PLCG2: variants seen among roughly 807,000 people sequenced by gnomAD.
PLCG2 encodes the protein 1-phosphatidylinositol 4,5-bisphosphate phosphodiesterase gamma-2.
PLCG2 carries 69 observed loss-of-function variants against 175.6 expected under a neutral mutation model. That is an observed-to-expected ratio of 0.39 (90% CI 0.32 to 0.48). The LOEUF is 0.48. Ranked by LOEUF, PLCG2 falls within the 20% of genes least tolerant of loss-of-function variation. PLCG2 has a pLI of 0.91. For synonymous variants in PLCG2, 827 were observed against 624.0 expected (o/e 1.33, Z -4.85); for missense variants, 1,798 against 1,650.9 (o/e 1.09, Z -1.54).
intron 13 of PLCG2, among the ~76,000 whole-genome samples, chr16:81,898,836 G>A (rs1458327840): frequency 6.6e-6 from 1 of 152,166 alleles, no homozygotes; most frequent in African/African-American, 2.4e-5. Context: ...TGTGGGGGAT[G>A]TCTGCGCCTT....
intron 2 of PLCG2, among the ~76,000 whole-genome samples, chr16:81,834,195 A>G (rs560863617): frequency 6.6e-6 from 1 of 152,214 alleles, no homozygotes; most frequent in African/African-American, 2.4e-5. Flanking sequence ...TCTTCCCAAG[A>G]TTGGTGGGAG....
chr16:81,902,428 G>A (rs370539081), intron 14 of PLCG2, among the ~76,000 whole-genome samples: 18 of 152,200 alleles, frequency 1.2e-4, no homozygotes, highest in African/African-American at 4.1e-4. Context: ...CCGACTTCTA[G>A]TTGTGTCCTC....
At position 81,891,451 on chromosome 16, in the gene PLCG2, C is replaced by T. The variant is rs749511592; in HGVS notation, c.868-21C>T. Reference sequence around the variant, plus strand: ...CTGCCCGTCAACGTGATGATTCGGTCTTCGTGTTTGACTCTTTTAGTTCCT... The same window carrying T: ...CTGCCCGTCAACGTGATGATTCGGTTTTCGTGTTTGACTCTTTTAGTTCCT... On this transcript the variant is annotated intron_variant, in intron 10 of 32. Coordinates refer to ENST00000564138, the MANE Select transcript of PLCG2 (RefSeq NM_002661.5). The T allele has an allele frequency of 7.7e-6, 10 of 1,295,690 alleles. No individual in the cohort carries two copies. The South Asian group carries it at 1.1e-4, about 14-fold the overall frequency. The allele number at this position is 1,295,690 out of a possible 1,614,324, so 80.3% of individuals were successfully genotyped here.
chr16:81,850,283 ATAAAT>A (rs1906337843), intron 2 of PLCG2, among the ~76,000 whole-genome samples: 1 of 152,292 alleles, frequency 6.6e-6, no homozygotes, highest in Admixed American at 6.5e-5. Flanking sequence ...TTTTTTTGAG[ATAAAT>A]TAAGTATTTT....
intron 2 of PLCG2, among the ~76,000 whole-genome samples, chr16:81,815,318 C>T (rs1597334121): frequency 6.6e-6 from 1 of 152,152 alleles, no homozygotes; most frequent in East Asian, 1.9e-4. Context: ...GGGGTCTCAG[C>T]CTCAGCAGGT....
intron 25 of PLCG2, 103 bp downstream of exon 25, chr16:81,931,757 A>C: frequency 5.3e-6 from 5 of 938,244 alleles, no homozygotes; most frequent in South Asian, 1.6e-5. Context: ...GAGCAGGCCC[A>C]GGTCCTACTC....
At chr16:81,836,239 A>T (rs1346670730) in intron 2 of PLCG2, among the ~76,000 whole-genome samples, 1 of 152,174 alleles carries the variant, frequency 6.6e-6, no homozygotes, top group Non-Finnish European at 1.5e-5. Flanking sequence ...ACTGAGGCCC[A>T]GGGAGGTAAA....
Position 81,907,743 on chromosome 16 carries a change from T to A in PLCG2, c.1526T>A (p.Ile509Asn). 1.2e-6 allele frequency: 2 copies of A among 1,613,896 alleles called. No individual in the cohort carries two copies. The highest frequency in any genetic ancestry group is 8.5e-7 in the Non-Finnish European group (1 of 1,179,848). The stretch of plus-strand genomic sequence containing the variant: ...GCCAAGCTGTCCTTCAGTGATGACA[T>A]TGAACAGACTATGGAGGAGGAAGTG... Reference protein sequence around the residue: ...ADAKLSFSDDIEQTMEEEVPQ... With the variant: ...ADAKLSFSDDNEQTMEEEVPQ... Residue 509 changes from isoleucine to asparagine, a missense_variant, in exon 16 of 33, where the codon ATT becomes AAT. Physicochemically the swap from Ile to Asn is moderately radical, Grantham distance 149. Coordinates refer to ENST00000564138, the MANE Select transcript of PLCG2 (RefSeq NM_002661.5).
intron 22 of PLCG2, among the ~76,000 whole-genome samples, chr16:81,925,311 A>T (rs1414036410): frequency 6.6e-6 from 1 of 152,158 alleles, no homozygotes; most frequent in Non-Finnish European, 1.5e-5. Context: ...CCCTGTAGCT[A>T]GGGGACCAAA....
intron 2 of PLCG2, among the ~76,000 whole-genome samples, chr16:81,760,177 G>A (rs1341419622): frequency 6.6e-6 from 1 of 152,190 alleles, no homozygotes. Flanking sequence ...TAGGTGGCTT[G>A]GAGAGTCTCC....
intron 26 of PLCG2, chr16:81,935,864 T>C: frequency 9.1e-6 from 9 of 985,252 alleles, no homozygotes; most frequent in Non-Finnish European, 1.1e-5. Flanking sequence ...CCCTCTTCTA[T>C]AACTGTACCA....
intron 1 of PLCG2, among the ~76,000 whole-genome samples, chr16:81,747,320 A>T (rs1909724975): frequency 6.6e-6 from 1 of 152,116 alleles, no homozygotes. Flanking sequence ...AGATCACTTG[A>T]GGTTAGGTGT....
intron 23 of PLCG2, among the ~76,000 whole-genome samples, chr16:81,927,910 A>G (rs1343477939): frequency 6.6e-6 from 1 of 152,120 alleles, no homozygotes; most frequent in Non-Finnish European, 1.5e-5. Context: ...TGAGGCAGAG[A>G]CTGGAAGCCC....
At chr16:81,933,769 C>G (rs764314657) in intron 25 of PLCG2, among the ~76,000 whole-genome samples, 13 of 152,310 alleles carry the variant, frequency 8.5e-5, no homozygotes, top group Non-Finnish European at 1.8e-4. Context: ...TCAAGGTCCC[C>G]CCTTGGCCAA....
In PLCG2 at chr16:81,828,863, AT is replaced by A. The variant is rs143403265; in HGVS notation, c.194-25580del. Among the ~76,000 whole-genome samples, 1,091 of 152,204 alleles carry A rather than the reference AT, an allele frequency of 7.2e-3. 12 individuals carry two copies. The highest frequency in any genetic ancestry group is 0.025 in the African/African-American group (1,055 of 41,544). On this transcript the variant is annotated intron_variant, in intron 2 of 32. Transcript: ENST00000564138. ...ACTTGCATTCCTTTTTCTTTTCTGA[AT>A]GCCGAGGTGGGTGGATCATGAGTTC...
At chr16:81,956,309 C>G (rs1484532017) in intron 31 of PLCG2, among the ~76,000 whole-genome samples, 1 of 152,124 alleles carries the variant, frequency 6.6e-6, no homozygotes, top group African/African-American at 2.4e-5. Context: ...CTGTTTTTTT[C>G]TCCTCTGCTG....
intron 2 of PLCG2, among the ~76,000 whole-genome samples, chr16:81,818,486 A>G (rs944257771): frequency 3.9e-5 from 6 of 152,218 alleles, no homozygotes; most frequent in African/African-American, 1.4e-4. Context: ...GCATGGGTGA[A>G]TGCCATTCTT....
chr16:81,805,441 G>C (rs947752038), intron 2 of PLCG2, among the ~76,000 whole-genome samples: 26 of 148,402 alleles, frequency 1.8e-4, no homozygotes, highest in Non-Finnish European at 3.7e-4. Context: ...GGAGCTTGCA[G>C]TGAGCAGAGA....
intron 1 of PLCG2, among the ~76,000 whole-genome samples, chr16:81,750,663 A>ACTTTTTTTTTTTT (rs1909790753): frequency 2.9e-5 from 2 of 68,446 alleles, no homozygotes; most frequent in Non-Finnish European, 2.6e-5. Context: ...GGGACTGGAG[A>ACTTTTTTTTTTTT]TTTTTTTTTT....
Sources: gnomAD v4.1 joint callset for allele counts (sites outside exome capture counted in the v4.1 genomes callset) on GRCh38, gnomAD v4.1.1 for gene constraint, MANE v1.5 for transcripts, NCBI Gene and HGNC (gene_info 2026-07-23, HGNC 2026-07-21) for gene names.